The following C1orf185 variants were observed in gnomAD, a reference collection of about 807,000 sequenced individuals.
C1orf185 encodes the protein uncharacterized protein C1orf185.
A neutral mutation model predicts 16.1 loss-of-function variants in C1orf185; 13 were observed. That is an observed-to-expected ratio of 0.81 (90% CI 0.53 to 1.28). The LOEUF (loss-of-function observed/expected upper bound fraction) is 1.28. Ranked by LOEUF, C1orf185 falls within the 50% of genes most tolerant of loss-of-function variation. The pLI is 0.00. For synonymous variants in C1orf185, 80 were observed against 76.9 expected, an observed-to-expected ratio of 1.04 and a Z score of -0.21; for missense variants, 220 against 225.2, an observed-to-expected ratio of 0.98 and a Z score of 0.15.
chr1:51,147,462 TA>T lies in C1orf185; in HGVS notation c.296-4del. Reference sequence around the variant, plus strand: ...ATAATATTCATAGTAAATCTGTTTTTACAGCAATTAAAGATCATTCTAAAGA... The same window carrying T: ...ATAATATTCATAGTAAATCTGTTTTTCAGCAATTAAAGATCATTCTAAAGA... On this transcript the variant is annotated splice_polypyrimidine_tract_variant and splice_region_variant and intron_variant, in intron 4 of 4. Transcript: ENST00000371759. 6.6e-7 allele frequency: 1 copy of T among 1,510,048 alleles called. No homozygotes were observed. The highest frequency in any genetic ancestry group is 8.9e-7 in the Non-Finnish European group (1 of 1,129,402). The allele number at this position is 1,510,048 out of a possible 1,614,324, so 93.5% of individuals were successfully genotyped here.
intron 4 of C1orf185, among the ~76,000 whole-genome samples, chr1:51,146,809 G>C (rs1290316799): frequency 6.6e-6 from 1 of 152,080 alleles, no homozygotes; most frequent in East Asian, 1.9e-4. Context: ...AAAATGCTTT[G>C]TAAATTGAAA....
At chr1:51,118,934 A>C (rs748375633) in intron 3 of C1orf185, 133 bp downstream of exon 3, 137 of 663,652 alleles carry the variant, frequency 2.1e-4, no homozygotes, top group Non-Finnish European at 2.7e-4. Flanking sequence ...AACTAGTTAG[A>C]GTTTATACTA....
rs1485816669 is a variant in C1orf185 at position 51,127,551 on chromosome 1, G to T, written c.258+8750G>T. Among the ~76,000 whole-genome samples the T allele has an allele frequency of 5.9e-5, 9 of 152,282 alleles. No individual in the cohort carries two copies. The South Asian group carries it at 1.5e-3, about 25-fold the overall frequency. On this transcript the variant is annotated intron_variant, in intron 3 of 4. Transcript: ENST00000371759. ...TCCACCTGCCTTGGCCTTCCAAAGT[G>T]CTGGGGTTACAGGTGTGAGCCACTG...
chr1:51,114,501 T>A (rs2148013187), intron 2 of C1orf185, among the ~76,000 whole-genome samples: 1 of 152,286 alleles, frequency 6.6e-6, no homozygotes, highest in Non-Finnish European at 1.5e-5. Flanking sequence ...GGCAGGTGGA[T>A]CACTTGAGGC....
At chr1:51,108,455 C>A (rs944210113) in intron 1 of C1orf185, among the ~76,000 whole-genome samples, 2 of 152,108 alleles carry the variant, frequency 1.3e-5, no homozygotes, top group Non-Finnish European at 2.9e-5. Context: ...TATCTTCTAG[C>A]TATTTTGAAA....
chr1:51,151,161 A>G (rs77647381), downstream of C1orf185, among the ~76,000 whole-genome samples: 4,987 of 152,322 alleles, frequency 0.033, 134 homozygotes, highest in Non-Finnish European at 0.05. Flanking sequence ...TGTTTCTTAA[A>G]CAGAATCCAA....
At chr1:51,108,421 T>C (rs146102916) in intron 1 of C1orf185, among the ~76,000 whole-genome samples, 2 of 152,332 alleles carry the variant, frequency 1.3e-5, no homozygotes, top group African/African-American at 4.8e-5. Context: ...GCATTTGTCT[T>C]TGTATTTAGA....
intron 3 of C1orf185, among the ~76,000 whole-genome samples, chr1:51,139,107 T>G (rs1646347221): frequency 6.6e-6 from 1 of 152,084 alleles, no homozygotes; most frequent in African/African-American, 2.4e-5. Context: ...TTTTTCTTTT[T>G]CTTTTTTTCC....
chr1:51,134,377 A>G (rs1368771977), intron 3 of C1orf185, among the ~76,000 whole-genome samples: 1 of 152,152 alleles, frequency 6.6e-6, no homozygotes, highest in Non-Finnish European at 1.5e-5. Context: ...AAATGCCCAC[A>G]TCAACAAGTT....
intron 3 of C1orf185, among the ~76,000 whole-genome samples, chr1:51,130,200 G>A (rs1341807320): frequency 4.6e-5 from 7 of 152,132 alleles, no homozygotes; most frequent in Admixed American, 4.6e-4. Context: ...GCCCAGGAAT[G>A]CAGTTTCTGG....
At chr1:51,136,865 A>G (rs1646328950) in intron 3 of C1orf185, among the ~76,000 whole-genome samples, 1 of 152,238 alleles carries the variant, frequency 6.6e-6, no homozygotes, top group African/African-American at 2.4e-5. Context: ...TTTCATGATG[A>G]AGACACCAAT....
At chr1:51,132,464 A>G (rs745496682) in intron 3 of C1orf185, among the ~76,000 whole-genome samples, 1 of 152,222 alleles carries the variant, frequency 6.6e-6, no homozygotes, top group Non-Finnish European at 1.5e-5. Context: ...TATTAATAGC[A>G]GAATAGACTA....
rs1465701581 is a variant in C1orf185 at position 51,102,230 on chromosome 1, T to C, written c.-4T>C. The C allele has an allele frequency of 1.4e-6, 1 of 714,182 alleles. No homozygotes were observed. The highest frequency in any genetic ancestry group is 1.5e-5 in the South Asian group (1 of 66,824). The allele number at this position is 714,182 out of a possible 1,614,324, so 44.2% of individuals were successfully genotyped here. A position where few individuals can be genotyped will look rare whatever the true frequency, so the allele number is the denominator to read the frequency against. On this transcript the variant is annotated 5_prime_UTR_variant, in exon 1 of 5. Coordinates refer to ENST00000371759, the MANE Select transcript of C1orf185 (RefSeq NM_001136508.2). ...TCAAATTCTATTGGTTAGAACTCAGTCATATGGCTTCACCTAAAGGTATGA... is the reference window on the plus strand; with the variant it reads ...TCAAATTCTATTGGTTAGAACTCAGCCATATGGCTTCACCTAAAGGTATGA...
At chr1:51,143,775 G>A (rs1365210271) in intron 3 of C1orf185, among the ~76,000 whole-genome samples, 3 of 152,156 alleles carry the variant, frequency 2.0e-5, no homozygotes, top group Admixed American at 6.5e-5. Context: ...ATATCCTTGC[G>A]CCTCAACCCC....
intron 1 of C1orf185, among the ~76,000 whole-genome samples, chr1:51,105,040 C>A (rs899740150): frequency 5.9e-5 from 9 of 152,000 alleles, no homozygotes; most frequent in Non-Finnish European, 1.3e-4. Flanking sequence ...TCACTGCAAC[C>A]TCCGCCTCTT....
chr1:51,124,083 T>G (rs1646219256), intron 3 of C1orf185, among the ~76,000 whole-genome samples: 1 of 143,612 alleles, frequency 7.0e-6, no homozygotes, highest in African/African-American at 2.6e-5. Context: ...TGTAGTTTGT[T>G]TTTTTTTTTT....
At chr1:51,109,638 A>C (rs1414198688) in intron 1 of C1orf185, among the ~76,000 whole-genome samples, 3 of 151,988 alleles carry the variant, frequency 2.0e-5, no homozygotes, top group Admixed American at 2.0e-4. Flanking sequence ...AGTTTTCCCC[A>C]CAAGAGGTTG....
At chr1:51,140,171 A>G (rs1646355220) in intron 3 of C1orf185, among the ~76,000 whole-genome samples, 1 of 152,202 alleles carries the variant, frequency 6.6e-6, no homozygotes, top group African/African-American at 2.4e-5. Context: ...CAAATTGATC[A>G]CTTTCGTTGT....
chr1:51,112,363 T>C (rs1192029261), intron 1 of C1orf185, 101 bp from the exon 2 acceptor site: 9 of 942,444 alleles, frequency 9.5e-6, no homozygotes, highest in Admixed American at 2.8e-5. Flanking sequence ...GTTAATGTCT[T>C]AACACTACAA....
Sources: gnomAD v4.1 joint callset for allele counts (sites outside exome capture counted in the v4.1 genomes callset) on GRCh38, gnomAD v4.1.1 for gene constraint, MANE v1.5 for transcripts, NCBI Gene and HGNC (gene_info 2026-07-23, HGNC 2026-07-21) for gene names.